The following CAMK1D variants were observed in gnomAD, a reference collection of about 807,000 sequenced individuals.
CAMK1D encodes the protein calcium/calmodulin dependent protein kinase ID.
A neutral mutation model predicts 47.7 loss-of-function variants in CAMK1D; 9 were observed. The ratio of observed to expected loss-of-function variants is 0.19; its 90% CI spans 0.11 to 0.33. CAMK1D has a LOEUF of 0.33. Among genes scored for constraint, CAMK1D ranks in the 10% least tolerant of loss-of-function variants. The pLI, the probability that CAMK1D is intolerant of heterozygous loss-of-function variation, is 1.00. For missense variants in CAMK1D, 291 were observed against 488.7 expected (o/e 0.60, Z 3.81); for synonymous variants, 184 against 184.9 (o/e 0.99, Z 0.04).
In CAMK1D at chr10:12,720,256, C is replaced by T. The variant is rs752984439; in HGVS notation, c.300-40692C>T. 4.7e-4 allele frequency among the ~76,000 whole-genome samples: 72 copies of T among 152,210 alleles called. 1 individual carries two copies. Among genetic ancestry groups the T allele is most frequent in the Non-Finnish European group, 1.2e-4 (8 of 68,046 alleles). ...GAATTAGGGTATAAAAGAACCCAGC[C>T]TGGTCCGTCTGCAGAATTCCTAGCG... On this transcript the variant is annotated intron_variant, in intron 3 of 10. Transcript: ENST00000619168.
Position 12,817,729 on chromosome 10 carries a change from C to T in CAMK1D, c.833+1401C>T, listed in dbSNP as rs3781064. Among the ~76,000 whole-genome samples, 1,500 of 152,228 alleles carry T rather than the reference C, an allele frequency of 9.9e-3. 79 individuals are homozygous for T. Among genetic ancestry groups the T allele is most frequent in the Admixed American group, 0.083 (1,264 of 15,282 alleles). ...TGTTTTTTTGAGATGGAGTCTCCGT[C>T]ACCCAGGCTGGAGTGCAGTGGGGCA... On this transcript the variant is annotated intron_variant, in intron 8 of 10. Transcript: ENST00000619168.
At chr10:12,811,687 T>G (rs930830798) in intron 6 of CAMK1D, among the ~76,000 whole-genome samples, 15 of 152,246 alleles carry the variant, frequency 9.9e-5, no homozygotes, top group African/African-American at 1.9e-4. Context: ...AAGAATTTTT[T>G]CCTTGCAAAG....
chr10:12,694,181 T>TA (rs1833107253), intron 3 of CAMK1D, among the ~76,000 whole-genome samples: 2 of 49,652 alleles, frequency 4.0e-5, no homozygotes, highest in African/African-American at 1.6e-4. Flanking sequence ...ATATATTATA[T>TA]ATAATATAAT....
chr10:12,500,390 G>T (rs1002958396), intron 1 of CAMK1D, among the ~76,000 whole-genome samples: 1 of 152,164 alleles, frequency 6.6e-6, no homozygotes, highest in Non-Finnish European at 1.5e-5. Flanking sequence ...CCTCTTCTTA[G>T]ACCTCACTGA....
intron 6 of CAMK1D, among the ~76,000 whole-genome samples, chr10:12,809,426 A>G (rs1430395408): frequency 6.6e-6 from 1 of 152,270 alleles, no homozygotes; most frequent in Non-Finnish European, 1.5e-5. Context: ...AAGATATTGA[A>G]GAGAGATTAA....
Position 12,596,253 on chromosome 10 carries a change from C to T in CAMK1D, c.224+42897C>T, listed in dbSNP as rs1838144322. Among the ~76,000 whole-genome samples the T allele has an allele frequency of 2.0e-5, 3 of 151,966 alleles. No homozygotes were observed. The South Asian group carries it at 6.2e-4, about 32-fold the overall frequency. On this transcript the variant is annotated intron_variant, in intron 2 of 10. Transcript: ENST00000619168. Reference sequence around the variant, plus strand: ...TTAAAGGATTCATGAGTTGGGCAGCCCTCACAAACAGAAGAGGTTCAGAGA... The same window carrying T: ...TTAAAGGATTCATGAGTTGGGCAGCTCTCACAAACAGAAGAGGTTCAGAGA...
intron 2 of CAMK1D, among the ~76,000 whole-genome samples, chr10:12,571,624 C>T (rs1837331419): frequency 6.6e-6 from 1 of 152,204 alleles, no homozygotes. Context: ...CCCAGGGTAA[C>T]CTCGCTGCCT....
Position 12,830,926 on chromosome 10 carries a change from AACACAC to A in CAMK1D, c.*2073_*2078del, listed in dbSNP as rs3995677. ...GTGATGCCCCCCCACCCTCTCAATA[AACACAC>A]ACACACACACACACACACACACACA... On this transcript the variant is annotated 3_prime_UTR_variant, in exon 11 of 11. Transcript: ENST00000619168. The A allele has an allele frequency of 4.4e-3, 458 of 103,820 alleles. 2 individuals are homozygous for A. Among genetic ancestry groups the A allele is most frequent in the South Asian group, 0.014 (35 of 2,592 alleles). 6.4% of individuals were successfully genotyped at this position (103,820 alleles called of 1,614,324 possible).
intron 2 of CAMK1D, among the ~76,000 whole-genome samples, chr10:12,559,727 G>A (rs1414514605): frequency 6.6e-6 from 1 of 152,188 alleles, no homozygotes; most frequent in Non-Finnish European, 1.5e-5. Context: ...TCAGGAGTGA[G>A]AACCTCGCTT....
intron 2 of CAMK1D, among the ~76,000 whole-genome samples, chr10:12,609,088 A>G (rs1838549005): frequency 6.6e-6 from 1 of 152,236 alleles, no homozygotes; most frequent in Admixed American, 6.5e-5. Context: ...ATGTGCATAG[A>G]CACTCAACTG....
intron 3 of CAMK1D, among the ~76,000 whole-genome samples, chr10:12,717,170 A>T (rs1834176623): frequency 6.6e-6 from 1 of 152,214 alleles, no homozygotes; most frequent in Non-Finnish European, 1.5e-5. Flanking sequence ...TAATTTTAAA[A>T]ATTACATTTT....
intron 6 of CAMK1D, among the ~76,000 whole-genome samples, chr10:12,792,520 T>G (rs1174672724): frequency 6.6e-6 from 1 of 152,196 alleles, no homozygotes; most frequent in East Asian, 1.9e-4. Context: ...CAGGGGATGG[T>G]GATTGGAGAA....
chr10:12,582,216 T>C (rs1036274734), intron 2 of CAMK1D, among the ~76,000 whole-genome samples: 4 of 152,226 alleles, frequency 2.6e-5, no homozygotes, highest in African/African-American at 9.6e-5. Context: ...GCTTTATTTC[T>C]GGGTTTTCTA....
chr10:12,740,855 G>A (rs1326236861), intron 3 of CAMK1D, among the ~76,000 whole-genome samples: 1 of 152,162 alleles, frequency 6.6e-6, no homozygotes, highest in African/African-American at 2.4e-5. Context: ...CATCCCTTTG[G>A]TTGAGGACTT....
chr10:12,364,535 G>T (rs1188684269), intron 1 of CAMK1D, among the ~76,000 whole-genome samples: 6 of 151,958 alleles, frequency 3.9e-5, no homozygotes, highest in African/African-American at 1.5e-4. Flanking sequence ...GAGCCACCAC[G>T]CATGGCCATC....
chr10:12,782,521 T>G (rs1198376451), intron 5 of CAMK1D, among the ~76,000 whole-genome samples: 2 of 152,232 alleles, frequency 1.3e-5, no homozygotes, highest in Admixed American at 1.3e-4. Flanking sequence ...AATGTCATCT[T>G]TCTCTCTCAC....
At chr10:12,536,199 T>TA (rs764407779) in intron 1 of CAMK1D, among the ~76,000 whole-genome samples, 64 of 152,126 alleles carry the variant, frequency 4.2e-4, no homozygotes, top group Non-Finnish European at 7.9e-4. Context: ...GAGCAAATGT[T>TA]AATTAACATT....
chr10:12,794,756 GA>G (rs753948052), intron 6 of CAMK1D, among the ~76,000 whole-genome samples: 1 of 152,134 alleles, frequency 6.6e-6, no homozygotes, highest in Non-Finnish European at 1.5e-5. Context: ...AGCAGAAAAT[GA>G]ATGGACCCTT....
At chr10:12,530,194 G>A (rs1332802009) in intron 1 of CAMK1D, among the ~76,000 whole-genome samples, 1 of 152,176 alleles carries the variant, frequency 6.6e-6, no homozygotes, top group South Asian at 2.1e-4. Flanking sequence ...CTTCAGCACT[G>A]CCCCCGTTGA....
Sources: allele counts gnomAD v4.1 joint callset (sites outside exome capture counted in the v4.1 genomes callset), GRCh38; gene constraint gnomAD v4.1.1; transcripts MANE v1.5; gene names NCBI Gene and HGNC (gene_info 2026-07-23, HGNC 2026-07-21).